Variants in EPHA6 observed in about 807,000 individuals in gnomAD.
EPHA6 encodes ephrin type-A receptor 6.
In EPHA6, 50 loss-of-function variants were observed where a neutral mutation model predicts 112.0. The observed-to-expected ratio is 0.45, with a 90% CI of 0.36 to 0.56. EPHA6 has a LOEUF of 0.56. Ranked by LOEUF, EPHA6 falls within the 20% of genes least tolerant of loss-of-function variation. The pLI is 0.00. For synonymous variants in EPHA6, 529 were observed against 490.7 expected (o/e 1.08, Z -1.03); for missense variants, 1,280 against 1,417.4 (o/e 0.90, Z 1.56).
At chr3:97,036,021 C>T (rs1202320038) in intron 3 of EPHA6, among the ~76,000 whole-genome samples, 1 of 151,920 alleles carries the variant, frequency 6.6e-6, no homozygotes, top group Non-Finnish European at 1.5e-5. Flanking sequence ...TCCCATCTGC[C>T]TTGTGAGGAT....
intron 3 of EPHA6, among the ~76,000 whole-genome samples, chr3:97,108,500 G>A (rs957750953): frequency 2.0e-5 from 3 of 152,042 alleles, no homozygotes; most frequent in Admixed American, 6.6e-5. Context: ...GCCAAGGAAA[G>A]TACATAAGAA....
At chr3:97,039,178 A>C (rs1359926506) in intron 3 of EPHA6, among the ~76,000 whole-genome samples, 1 of 152,080 alleles carries the variant, frequency 6.6e-6, no homozygotes, top group Non-Finnish European at 1.5e-5. Flanking sequence ...GAAAACAAGA[A>C]GGCCTAAGAC....
intron 3 of EPHA6, among the ~76,000 whole-genome samples, chr3:97,138,307 C>G (rs961435682): frequency 6.6e-6 from 1 of 152,184 alleles, no homozygotes; most frequent in South Asian, 2.1e-4. Flanking sequence ...GGGAGCCCAT[C>G]CCCCAAGGCT....
At chr3:97,168,593 CTG>C (rs1240030941) in intron 3 of EPHA6, among the ~76,000 whole-genome samples, 1 of 146,442 alleles carries the variant, frequency 6.8e-6, no homozygotes, top group Non-Finnish European at 1.5e-5. Context: ...CTCTCTCTCT[CTG>C]TGTGTCTCTC....
chr3:97,740,320 C>A (rs761197079), intron 16 of EPHA6, among the ~76,000 whole-genome samples: 1 of 152,106 alleles, frequency 6.6e-6, no homozygotes, highest in Non-Finnish European at 1.5e-5. Flanking sequence ...TTCTTCTAAT[C>A]CCTGCTCCAG....
chr3:97,727,650 T>C (rs775743662), intron 15 of EPHA6, among the ~76,000 whole-genome samples: 158 of 152,186 alleles, frequency 1.0e-3, no homozygotes, highest in Non-Finnish European at 1.7e-3. Context: ...CCCATTTCTA[T>C]TATTTCCACC....
At chr3:97,546,263 G>A (rs1380489971) in intron 11 of EPHA6, among the ~76,000 whole-genome samples, 1 of 152,156 alleles carries the variant, frequency 6.6e-6, no homozygotes, top group Non-Finnish European at 1.5e-5. Flanking sequence ...AGGCCTGGTG[G>A]TGACAAAATC....
At chr3:97,522,979 A>G (rs545908432) in intron 10 of EPHA6, among the ~76,000 whole-genome samples, 5 of 152,044 alleles carry the variant, frequency 3.3e-5, no homozygotes, top group Non-Finnish European at 7.4e-5. Context: ...TCTTTTCAAA[A>G]GAAAACTTAT....
At chr3:97,313,263 T>TA (rs2081645880) in intron 5 of EPHA6, among the ~76,000 whole-genome samples, 1 of 151,636 alleles carries the variant, frequency 6.6e-6, no homozygotes, top group Non-Finnish European at 1.5e-5. Context: ...ATTGTATATA[T>TA]ACCACATTTT....
At chr3:97,492,348 G>T (rs945878797) in intron 10 of EPHA6, among the ~76,000 whole-genome samples, 1 of 151,490 alleles carries the variant, frequency 6.6e-6, no homozygotes, top group African/African-American at 2.4e-5. Flanking sequence ...TTTGAGACCA[G>T]CCTGGCCAAC....
At chr3:96,859,076 T>C (rs2035860595) in intron 1 of EPHA6, among the ~76,000 whole-genome samples, 1 of 152,052 alleles carries the variant, frequency 6.6e-6, no homozygotes, top group African/African-American at 2.4e-5. Context: ...TTAAGAATGT[T>C]CTTTTCTAAG....
At chr3:96,983,971 T>A (rs941726327) in intron 2 of EPHA6, among the ~76,000 whole-genome samples, 1 of 152,140 alleles carries the variant, frequency 6.6e-6, no homozygotes, top group African/African-American at 2.4e-5. Context: ...GTTTTCAAGG[T>A]TTTTAGCTTC....
intron 14 of EPHA6, among the ~76,000 whole-genome samples, chr3:97,701,394 G>A (rs1315208297): frequency 1.3e-5 from 2 of 152,066 alleles, no homozygotes; most frequent in Non-Finnish European, 2.9e-5. Context: ...GGTTTTGGGG[G>A]CAAGGAGTCA....
At position 97,344,969 on chromosome 3, in the gene EPHA6, T is replaced by C. The variant is rs141500289; in HGVS notation, c.1607-60181T>C. Among the ~76,000 whole-genome samples the C allele has an allele frequency of 2.4e-3, 358 of 152,178 alleles. 3 individuals carry two copies. Among genetic ancestry groups the C allele is most frequent in the African/African-American group, 8.4e-3 (350 of 41,528 alleles). ...TGGATTTTGTGTTACAACCAAATGG[T>C]AACTTTGTAGTAAATGTGGGAAGCC... On this transcript the variant is annotated intron_variant, in intron 5 of 17. Transcript: ENST00000389672.
intron 5 of EPHA6, among the ~76,000 whole-genome samples, chr3:97,383,195 A>C (rs1381577870): frequency 3.9e-5 from 6 of 152,066 alleles, no homozygotes; most frequent in Non-Finnish European, 7.4e-5. Flanking sequence ...TATTTTTTAT[A>C]GTGATCTCTC....
chr3:97,195,894 C>T (rs2077428780), intron 3 of EPHA6, among the ~76,000 whole-genome samples: 1 of 151,826 alleles, frequency 6.6e-6, no homozygotes, highest in African/African-American at 2.4e-5. Flanking sequence ...TGTCTTTTTT[C>T]TTGATGCTTT....
chr3:97,322,304 C>G (rs11713853), intron 5 of EPHA6, among the ~76,000 whole-genome samples: 98,248 of 151,886 alleles, frequency 0.65, 39,179 homozygotes, highest in Non-Finnish European at 0.88. Context: ...AAATAAAAGA[C>G]AGTTAATTAC....
intron 3 of EPHA6, among the ~76,000 whole-genome samples, chr3:97,181,366 T>A (rs2076984128): frequency 6.6e-6 from 1 of 151,966 alleles, no homozygotes; most frequent in Non-Finnish European, 1.5e-5. Context: ...TATGAAGGTG[T>A]TTTTTCTCTG....
chr3:97,693,216 A>G (rs1323553945), intron 14 of EPHA6, among the ~76,000 whole-genome samples: 3 of 152,354 alleles, frequency 2.0e-5, no homozygotes, highest in South Asian at 2.1e-4. Context: ...TGGGTACCTC[A>G]TCATTTAAAT....
Sources: gnomAD v4.1 joint callset for allele counts (sites outside exome capture counted in the v4.1 genomes callset) on GRCh38, gnomAD v4.1.1 for gene constraint, MANE v1.5 for transcripts, NCBI Gene and HGNC (gene_info 2026-07-23, HGNC 2026-07-21) for gene names.